The following TSPEAR variants were observed in gnomAD, a reference collection of about 807,000 sequenced individuals.
TSPEAR encodes the protein thrombospondin-type laminin G domain and EAR repeat-containing protein.
A neutral mutation model predicts 71.6 loss-of-function variants in TSPEAR; 69 were observed. The observed-to-expected ratio is 0.96, with a 90% CI of 0.79 to 1.18. The LOEUF is 1.18. TSPEAR is among the 50% of genes most tolerant of loss of function. TSPEAR has a pLI of 0.00. For missense variants in TSPEAR, 971 were observed against 894.9 expected (o/e 1.09, Z -1.09); for synonymous variants, 402 against 387.2 (o/e 1.04, Z -0.45).
chr21:44,547,860 C>T (rs2053326648), intron 2 of TSPEAR, among the ~76,000 whole-genome samples: 1 of 152,118 alleles, frequency 6.6e-6, no homozygotes, highest in Non-Finnish European at 1.5e-5. Flanking sequence ...TGAAGTTCAG[C>T]CAGAGGTGAG....
rs183434214 is a variant in TSPEAR, at chr21:44,509,141, G to A, written c.1754+58C>T. The A allele has an allele frequency of 8.5e-4, 1,323 of 1,560,958 alleles. 13 individuals carry two copies. The African/African-American group carries it at 0.015, about 18-fold the overall frequency. ...TGAGGATGAGCCTAACGGGGATTCC[G>A]ACATGGTGGGCCTCCCAGAGATCAG... On this transcript the variant is annotated intron_variant, in intron 10 of 11. Transcript: ENST00000323084.
chr21:44,558,437 G>A (rs919668727), intron 2 of TSPEAR: 1 of 1,614,100 alleles, frequency 6.2e-7, no homozygotes, highest in Non-Finnish European at 8.5e-7. Context: ...GCTGGCAGGG[G>A]GAGGATGTGC....
At chr21:44,592,119 AG>A (rs782042574) in intron 1 of TSPEAR, 2 of 1,462,092 alleles carry the variant, frequency 1.4e-6, no homozygotes, top group East Asian at 5.3e-5. Context: ...CACAGCACAC[AG>A]GCTTGCAGCA....
chr21:44,664,695 G>T (rs1261632879), intron 1 of TSPEAR, among the ~76,000 whole-genome samples: 1 of 152,232 alleles, frequency 6.6e-6, no homozygotes, highest in Non-Finnish European at 1.5e-5. Flanking sequence ...GCAGGATGGT[G>T]TTGGCAAAAA....
intron 2 of TSPEAR, among the ~76,000 whole-genome samples, chr21:44,535,125 G>A (rs1555916252): frequency 7.9e-5 from 12 of 152,110 alleles, no homozygotes; most frequent in Admixed American, 6.5e-4. Flanking sequence ...GTTGGGAGAC[G>A]AAGAAGTTCT....
chr21:44,539,611 C>A, intron 2 of TSPEAR: 2 of 1,613,462 alleles, frequency 1.2e-6, no homozygotes, highest in Non-Finnish European at 1.7e-6. Flanking sequence ...AGCAGGCCTG[C>A]TGGCAGGGGG....
At chr21:44,688,593 G>A (rs1428171155) in intron 1 of TSPEAR, among the ~76,000 whole-genome samples, 4 of 152,132 alleles carry the variant, frequency 2.6e-5, no homozygotes, top group South Asian at 2.1e-4. Flanking sequence ...GGTGGCGGGC[G>A]CCTGTAGTCC....
At chr21:44,585,775 G>A (rs782480324) in intron 1 of TSPEAR, among the ~76,000 whole-genome samples, 4 of 152,134 alleles carry the variant, frequency 2.6e-5, no homozygotes, top group Non-Finnish European at 4.4e-5. Context: ...TGGAGTAACG[G>A]CCTCTTTGTT....
At chr21:44,677,770 A>T in intron 1 of TSPEAR, 1 of 1,332,606 alleles carries the variant, frequency 7.5e-7, no homozygotes, top group Non-Finnish European at 1.1e-6. Context: ...AGTGGACCAG[A>T]CTGAGTTGAT....
At chr21:44,651,979 CTTTTTTTTTTTT>C (rs60867977) in intron 1 of TSPEAR, among the ~76,000 whole-genome samples, 4 of 124,512 alleles carry the variant, frequency 3.2e-5, no homozygotes, top group Non-Finnish European at 6.7e-5. Context: ...ATAAAACTTT[CTTTTTTTTTTTT>C]TTTTTTTTTT....
chr21:44,676,622 A>G, intron 1 of TSPEAR: 1 of 756,236 alleles, frequency 1.3e-6, no homozygotes, highest in African/African-American at 1.7e-5. Flanking sequence ...TCAAATTCAT[A>G]CTTCAATTCC....
chr21:44,706,640 G>A (rs964819031), intron 1 of TSPEAR, among the ~76,000 whole-genome samples: 2 of 152,242 alleles, frequency 1.3e-5, no homozygotes, highest in African/African-American at 4.8e-5. Flanking sequence ...CCGAGGCAGA[G>A]GTGTCGGGGA....
Position 44,711,433 on chromosome 21 carries a change from C to A in TSPEAR, c.82G>T (p.Asp28Tyr), listed in dbSNP as rs1047847005. 6.2e-7 allele frequency: 1 copy of A among 1,600,730 alleles called. No homozygotes were observed. Among genetic ancestry groups the A allele is most frequent in the Non-Finnish European group, 8.5e-7 (1 of 1,174,250 alleles). The change falls in exon 1 of 12, where the codon GAC becomes TAC. Residue 28 changes from aspartate to tyrosine, a missense_variant and splice_region_variant. Coordinates refer to ENST00000323084, the MANE Select transcript of TSPEAR (RefSeq NM_144991.3). The surrounding 1 kb of genome is among the most constrained non-coding windows in gnomAD (Gnocchi z 4.5). ...CCGAGTTCCCATGCCCCTGCCTTAC[C>A]TGTGCAGGGCTCCCAACCCTGCGTG... The part of the protein sequence containing the change: ...HGTQGWEPCT[D>Y]LRPLDILAEV...
intron 1 of TSPEAR, chr21:44,647,535 C>T: frequency 1.3e-6 from 1 of 747,022 alleles, no homozygotes; most frequent in Non-Finnish European, 2.2e-6. Context: ...AGACAACCCA[C>T]AAATCCCTCA....
At chr21:44,600,975 C>T in intron 1 of TSPEAR, 2 of 1,611,880 alleles carry the variant, frequency 1.2e-6, no homozygotes, top group Admixed American at 1.7e-5. Context: ...GCAAGACTGT[C>T]TGCTGCAAGC....
intron 1 of TSPEAR, among the ~76,000 whole-genome samples, chr21:44,652,288 C>T (rs1462186917): frequency 6.6e-6 from 1 of 152,166 alleles, no homozygotes; most frequent in Non-Finnish European, 1.5e-5. Flanking sequence ...GGGCCCCATT[C>T]TCTAAAAGTT....
rs587604361 is a variant in TSPEAR, at chr21:44,638,633, C to T, written c.83-70628G>A. Reference sequence around the variant, plus strand: ...GCATGGGATGAGGCAGGAAGCAATGCCTTCTGGTGCTGGCCTCTGTGAACC... The same window carrying T: ...GCATGGGATGAGGCAGGAAGCAATGTCTTCTGGTGCTGGCCTCTGTGAACC... On this transcript the variant is annotated intron_variant, in intron 1 of 11. Transcript: ENST00000323084. Among the ~76,000 whole-genome samples the T allele has an allele frequency of 6.3e-3, 952 of 151,568 alleles. 3 individuals are homozygous for T. The highest frequency in any genetic ancestry group is 0.022 in the African/African-American group (915 of 41,398).
At chr21:44,647,626 A>C in intron 1 of TSPEAR, 1 of 518,858 alleles carries the variant, frequency 1.9e-6, no homozygotes, top group Non-Finnish European at 3.6e-6. Flanking sequence ...AACTGCTCTA[A>C]TCAATAAATT....
At chr21:44,639,270 G>A (rs185224570) in intron 1 of TSPEAR, among the ~76,000 whole-genome samples, 42 of 152,056 alleles carry the variant, frequency 2.8e-4, no homozygotes, top group Non-Finnish European at 5.3e-4. Flanking sequence ...CAGATGCCAC[G>A]TCGGGGAAGT....
Sources: allele counts gnomAD v4.1 joint callset (sites outside exome capture counted in the v4.1 genomes callset), GRCh38; gene constraint gnomAD v4.1.1; non-coding constraint Gnocchi (gnomAD v3.1); transcripts MANE v1.5; gene names NCBI Gene and HGNC (gene_info 2026-07-23, HGNC 2026-07-21).